Variants in NELL2 observed in about 807,000 individuals in gnomAD.
The protein encoded by NELL2 is neural EGFL like 2, also known as protein kinase C-binding protein NELL2.
A neutral mutation model predicts 109.6 loss-of-function variants in NELL2; 41 were observed. The observed-to-expected ratio is 0.37, with a 90% CI of 0.29 to 0.49. The LOEUF (loss-of-function observed/expected upper bound fraction) is 0.49, where lower values mean the gene tolerates loss of function less well. NELL2 is among the 20% of genes least tolerant of loss of function. The probability of loss-of-function intolerance (pLI) is 0.98; values close to 1 mark genes in which losing one functional copy is unlikely to be tolerated. For synonymous variants in NELL2, 355 were observed against 344.7 expected (o/e 1.03, Z -0.33); for missense variants, 900 against 1,008.3 (o/e 0.89, Z 1.45).
At chr12:44,560,753 T>G (rs1016370092) in intron 15 of NELL2, among the ~76,000 whole-genome samples, 3 of 152,076 alleles carry the variant, frequency 2.0e-5, no homozygotes, top group Admixed American at 6.6e-5. Flanking sequence ...ACCAGAGGTA[T>G]AAAGAGGAGC....
chr12:44,550,469 G>C (rs1046723397), intron 15 of NELL2, among the ~76,000 whole-genome samples: 1 of 148,766 alleles, frequency 6.7e-6, no homozygotes, highest in Non-Finnish European at 1.5e-5. Context: ...GCTTAAACCC[G>C]AGAGGTAGAG....
At chr12:44,705,016 C>CAAAAAAA (rs11380443) in intron 11 of NELL2, among the ~76,000 whole-genome samples, 1 of 103,328 alleles carries the variant, frequency 9.7e-6, no homozygotes, top group Non-Finnish European at 1.8e-5. Context: ...AGGACTCCAT[C>CAAAAAAA]AAAAAAAAAA....
intron 2 of NELL2, among the ~76,000 whole-genome samples, chr12:44,869,852 T>C (rs373510829): frequency 2.6e-5 from 4 of 152,350 alleles, no homozygotes; most frequent in South Asian, 2.1e-4. Context: ...AATAGGTTGA[T>C]AATTTCTCAA....
intron 2 of NELL2, among the ~76,000 whole-genome samples, chr12:44,850,002 C>T (rs1944486525): frequency 1.3e-5 from 2 of 152,030 alleles, no homozygotes; most frequent in South Asian, 4.1e-4. Context: ...TACAAAGGGG[C>T]ACATGGAACT....
At chr12:44,862,626 T>G (rs1360599381) in intron 2 of NELL2, among the ~76,000 whole-genome samples, 1 of 152,214 alleles carries the variant, frequency 6.6e-6, no homozygotes, top group Admixed American at 6.5e-5. Context: ...CAAAATTCAA[T>G]GAGTGCTGAC....
chr12:44,627,760 T>G (rs1029241554), intron 13 of NELL2, among the ~76,000 whole-genome samples: 3 of 152,190 alleles, frequency 2.0e-5, no homozygotes, highest in African/African-American at 7.2e-5. Flanking sequence ...TTAAATAGCT[T>G]AGACATAGTA....
intron 15 of NELL2, among the ~76,000 whole-genome samples, chr12:44,596,252 A>G (rs973292218): frequency 5.9e-5 from 9 of 152,194 alleles, no homozygotes; most frequent in African/African-American, 1.9e-4. Context: ...ATAATTTGGC[A>G]CCCATATTCC....
intron 13 of NELL2, among the ~76,000 whole-genome samples, chr12:44,660,242 T>C (rs1385909097): frequency 6.6e-6 from 1 of 152,198 alleles, no homozygotes; most frequent in Non-Finnish European, 1.5e-5. Flanking sequence ...ACAATTTTAA[T>C]TGGGTGACTC....
chr12:44,879,884 A>G (rs1297680427), upstream of NELL2, among the ~76,000 whole-genome samples: 1 of 151,736 alleles, frequency 6.6e-6, no homozygotes, highest in Non-Finnish European at 1.5e-5. Context: ...ACTTGCAGGT[A>G]CAAGGTCCGA....
intron 13 of NELL2, among the ~76,000 whole-genome samples, chr12:44,661,239 G>A (rs1476217050): frequency 6.6e-6 from 1 of 152,212 alleles, no homozygotes; most frequent in African/African-American, 2.4e-5. Flanking sequence ...ATGGGAAAGG[G>A]GGGCAAGATG....
chr12:44,815,397 A>G (rs575861484), intron 3 of NELL2, among the ~76,000 whole-genome samples: 1 of 152,344 alleles, frequency 6.6e-6, no homozygotes, highest in East Asian at 1.9e-4. Context: ...ATTAGAATAT[A>G]ATATTTTTGT....
At chr12:44,847,449 T>C (rs900433984) in intron 2 of NELL2, among the ~76,000 whole-genome samples, 1 of 152,142 alleles carries the variant, frequency 6.6e-6, no homozygotes, top group Non-Finnish European at 1.5e-5. Flanking sequence ...TATTTTCTTA[T>C]GTGTAACAGG....
intron 13 of NELL2, among the ~76,000 whole-genome samples, chr12:44,629,596 G>C (rs74530063): frequency 1.3e-5 from 2 of 151,978 alleles, no homozygotes; most frequent in Non-Finnish European, 2.9e-5. Flanking sequence ...GAGACAGATC[G>C]GGCACATACA....
intron 9 of NELL2, among the ~76,000 whole-genome samples, chr12:44,739,771 A>T (rs1939845530): frequency 1.3e-5 from 2 of 152,036 alleles, no homozygotes; most frequent in Non-Finnish European, 2.9e-5. Context: ...GGCACCTGTA[A>T]TCACAGCTAC....
rs148729946 is a variant in NELL2, at chr12:44,667,921, C to A, written c.1319-2312G>T. Reference sequence around the variant, plus strand: ...GCCCTGAGCCTAGCATAGGAAACTGCCTAGAATCCATAGGATGGCATTGTT... The same window carrying A: ...GCCCTGAGCCTAGCATAGGAAACTGACTAGAATCCATAGGATGGCATTGTT... On this transcript the variant is annotated intron_variant, in intron 12 of 19. Coordinates refer to ENST00000429094, the MANE Select transcript of NELL2 (RefSeq NM_001145108.2). Among the ~76,000 whole-genome samples, 13 of 152,290 alleles carry A rather than the reference C, an allele frequency of 8.5e-5. No homozygotes were observed. In the East Asian group the frequency reaches 1.2e-3, roughly 14 times the overall value.
intron 15 of NELL2, among the ~76,000 whole-genome samples, chr12:44,551,475 A>G (rs1040965786): frequency 9.9e-5 from 15 of 152,046 alleles, no homozygotes; most frequent in African/African-American, 3.1e-4. Context: ...GCAGTCAGAG[A>G]GACAGATCTG....
intron 1 of NELL2, among the ~76,000 whole-genome samples, chr12:44,899,982 C>T (rs1012382181): frequency 6.6e-6 from 1 of 152,102 alleles, no homozygotes; most frequent in Non-Finnish European, 1.5e-5. Flanking sequence ...ATAAAACAGA[C>T]TTTAAACCAA....
At chr12:44,907,524 T>C (rs964967492) in intron 1 of NELL2, among the ~76,000 whole-genome samples, 7 of 152,082 alleles carry the variant, frequency 4.6e-5, no homozygotes, top group Non-Finnish European at 8.8e-5. Flanking sequence ...TGGCCAGAAA[T>C]ATTTCAGTTG....
chr12:44,898,645 G>T (rs1316641989), intron 1 of NELL2, among the ~76,000 whole-genome samples: 1 of 152,174 alleles, frequency 6.6e-6, no homozygotes, highest in Non-Finnish European at 1.5e-5. Flanking sequence ...CCATGAAGAT[G>T]AGGAAAACCA....
Sources: gnomAD v4.1 joint callset for allele counts (sites outside exome capture counted in the v4.1 genomes callset) on GRCh38, gnomAD v4.1.1 for gene constraint, MANE v1.5 for transcripts, NCBI Gene and HGNC (gene_info 2026-07-23, HGNC 2026-07-21) for gene names.